FRMD6: variants seen among roughly 807,000 people sequenced by gnomAD.
The protein encoded by FRMD6 is FERM domain-containing protein 6.
In FRMD6, 37 loss-of-function variants were observed where a neutral mutation model predicts 73.2. That is an observed-to-expected ratio of 0.51 (90% confidence interval 0.39 to 0.66). The LOEUF is 0.66. Among genes scored for constraint, FRMD6 ranks in the 30% least tolerant of loss-of-function variants. The probability of loss-of-function intolerance (pLI) is 0.00; values close to 1 mark genes in which losing one functional copy is unlikely to be tolerated. For missense variants in FRMD6, 714 were observed against 780.5 expected, an observed-to-expected ratio of 0.91 and a Z score of 1.02; for synonymous variants, 273 against 282.2, an observed-to-expected ratio of 0.97 and a Z score of 0.33.
At chr14:51,636,350 C>T (rs1891559772) in intron 2 of FRMD6, among the ~76,000 whole-genome samples, 1 of 152,180 alleles carries the variant, frequency 6.6e-6, no homozygotes, top group Non-Finnish European at 1.5e-5. Context: ...GTCAACATGG[C>T]AGATTAGCAT....
intron 1 of FRMD6, among the ~76,000 whole-genome samples, chr14:51,665,546 G>A (rs1230477321): frequency 6.6e-6 from 1 of 152,142 alleles, no homozygotes; most frequent in Non-Finnish European, 1.5e-5. Flanking sequence ...TGTTGCTCAT[G>A]TCACATCATT....
At chr14:51,676,408 T>C (rs745891238) in intron 1 of FRMD6, among the ~76,000 whole-genome samples, 43 of 152,190 alleles carry the variant, frequency 2.8e-4, no homozygotes, top group Non-Finnish European at 5.4e-4. Flanking sequence ...CTTTTCTTAG[T>C]TTCAGATCCC....
chr14:51,606,271 A>G (rs1890252886), intron 2 of FRMD6, among the ~76,000 whole-genome samples: 1 of 152,134 alleles, frequency 6.6e-6, no homozygotes, highest in African/African-American at 2.4e-5. Context: ...ACACATGGAC[A>G]TTCAGAAATA....
chr14:51,528,928 A>G (rs767701107), intron 1 of FRMD6, among the ~76,000 whole-genome samples: 8 of 152,154 alleles, frequency 5.3e-5, no homozygotes, highest in Non-Finnish European at 8.8e-5. Flanking sequence ...GAGCTTTCCC[A>G]TCAAAGGGTG....
At chr14:51,459,981 G>T in the FRMD6 span, among the ~76,000 whole-genome samples, 1 of 137,838 alleles carries the variant, frequency 7.3e-6, no homozygotes, top group Non-Finnish European at 1.5e-5. Flanking sequence ...AAGTAAAACG[G>T]TACTCTTTAT....
intron 1 of FRMD6, among the ~76,000 whole-genome samples, chr14:51,521,359 T>C (rs182523278): frequency 1.3e-5 from 2 of 152,352 alleles, no homozygotes; most frequent in Non-Finnish European, 1.5e-5. Context: ...TGTATTAAAG[T>C]ATTTTTATTT....
At chr14:51,615,593 A>T (rs1265741180) in intron 2 of FRMD6, among the ~76,000 whole-genome samples, 2 of 152,158 alleles carry the variant, frequency 1.3e-5, no homozygotes, top group South Asian at 4.1e-4. Context: ...CTAGGTGGAA[A>T]ATTGTTTTAC....
At chr14:51,684,298 T>G (rs1046009223) in intron 1 of FRMD6, among the ~76,000 whole-genome samples, 1 of 152,038 alleles carries the variant, frequency 6.6e-6, no homozygotes, top group African/African-American at 2.4e-5. Flanking sequence ...ATTGTGGAAG[T>G]GTATTTATGT....
At chr14:51,399,364 TCTA>T in the FRMD6 span, among the ~76,000 whole-genome samples, 16 of 152,288 alleles carry the variant, frequency 1.1e-4, no homozygotes, top group Non-Finnish European at 2.2e-4. Context: ...AAATATTAAA[TCTA>T]CTACTTTCCT....
At chr14:51,713,413 G>A (rs1181641090) in intron 9 of FRMD6, among the ~76,000 whole-genome samples, 4 of 144,982 alleles carry the variant, frequency 2.8e-5, no homozygotes, top group East Asian at 4.1e-4. Flanking sequence ...AGCCAAGACC[G>A]CACCATTGCA....
At chr14:51,682,273 C>A (rs929319822) in intron 1 of FRMD6, among the ~76,000 whole-genome samples, 5 of 152,082 alleles carry the variant, frequency 3.3e-5, no homozygotes, top group African/African-American at 1.2e-4. Flanking sequence ...ATTTTATCCC[C>A]CATCTTCTTG....
intron 11 of FRMD6, among the ~76,000 whole-genome samples, chr14:51,720,875 T>C (rs1376541649): frequency 6.6e-6 from 1 of 152,210 alleles, no homozygotes; most frequent in African/African-American, 2.4e-5. Context: ...AAAAGAAATA[T>C]AGCACCTGGT....
chr14:51,615,241 C>T (rs1890663830), intron 2 of FRMD6, among the ~76,000 whole-genome samples: 1 of 152,156 alleles, frequency 6.6e-6, no homozygotes, highest in South Asian at 2.1e-4. Context: ...AAAGCATTGA[C>T]TGTGTTAGGA....
chr14:51,463,305 A>G, the FRMD6 span, among the ~76,000 whole-genome samples: 1 of 152,220 alleles, frequency 6.6e-6, no homozygotes, highest in Non-Finnish European at 1.5e-5. Context: ...GTGGCATAGT[A>G]TTTGCATATT....
intron 8 of FRMD6, among the ~76,000 whole-genome samples, chr14:51,712,222 G>A (rs1267756411): frequency 6.6e-6 from 1 of 152,118 alleles, no homozygotes; most frequent in African/African-American, 2.4e-5. Flanking sequence ...GAGTCCTTTG[G>A]ACTTTTTATT....
chr14:51,445,057 A>G, the FRMD6 span, among the ~76,000 whole-genome samples: 3 of 152,234 alleles, frequency 2.0e-5, no homozygotes, highest in Non-Finnish European at 4.4e-5. Flanking sequence ...CAATGGACCC[A>G]GGAAGAAAGA....
At chr14:51,558,760 G>A (rs1887302998) in intron 1 of FRMD6, among the ~76,000 whole-genome samples, 1 of 152,060 alleles carries the variant, frequency 6.6e-6, no homozygotes, top group Non-Finnish European at 1.5e-5. Context: ...AACTATTTGA[G>A]AAAATTTGCC....
the FRMD6 span, among the ~76,000 whole-genome samples, chr14:51,440,303 A>C: frequency 6.6e-6 from 1 of 152,254 alleles, no homozygotes; most frequent in Non-Finnish European, 1.5e-5. Context: ...AATATTTTCT[A>C]CAAATGTTTA....
chr14:51,659,501 C>G (rs1339767337), intron 1 of FRMD6, among the ~76,000 whole-genome samples: 1 of 152,216 alleles, frequency 6.6e-6, no homozygotes, highest in African/African-American at 2.4e-5. Context: ...ACTGGCAAGT[C>G]TGTGTTGCTG....
Sources: gnomAD v4.1 joint callset for allele counts (sites outside exome capture counted in the v4.1 genomes callset) on GRCh38, gnomAD v4.1.1 for gene constraint, MANE v1.5 for transcripts, NCBI Gene and HGNC (gene_info 2026-07-23, HGNC 2026-07-21) for gene names.